Variants in NOL4 observed in about 807,000 individuals in gnomAD.
The protein encoded by NOL4 is cancer/testis antigen 125.
In NOL4, 17 loss-of-function variants were observed where a neutral mutation model predicts 75.9. The ratio of observed to expected loss-of-function variants is 0.22; its 90% CI spans 0.15 to 0.34. The LOEUF (loss-of-function observed/expected upper bound fraction) is 0.34, where lower values mean the gene tolerates loss of function less well. NOL4 is among the 10% of genes least tolerant of loss of function. The pLI is 1.00. For synonymous variants in NOL4, 292 were observed against 289.9 expected (o/e 1.01, Z -0.07); for missense variants, 614 against 793.5 (o/e 0.77, Z 2.72).
intron 5 of NOL4, among the ~76,000 whole-genome samples, chr18:34,026,968 G>A (rs2075374289): frequency 6.6e-6 from 1 of 152,148 alleles, no homozygotes; most frequent in Admixed American, 6.6e-5. Flanking sequence ...GAGGAGAGGA[G>A]CCTGAAAAAG....
intron 5 of NOL4, among the ~76,000 whole-genome samples, chr18:34,076,491 A>T (rs2077751213): frequency 6.6e-6 from 1 of 152,182 alleles, no homozygotes; most frequent in Non-Finnish European, 1.5e-5. Context: ...AGTTACCCTT[A>T]GACTTGAAAG....
At position 34,058,143 on chromosome 18, in the gene NOL4, C is replaced by CT. The variant is rs540962522; in HGVS notation, c.772+35321dup. On this transcript the variant is annotated intron_variant, in intron 5 of 10. Transcript: ENST00000261592. ...TCTGCTGGCCTGTTGTTCCTTATTT[C>CT]TTTTTTTTGAGACAAAATCTCACTC... Among the ~76,000 whole-genome samples the CT allele has an allele frequency of 6.6e-5, 10 of 151,856 alleles. No homozygotes were observed. In the East Asian group the frequency reaches 7.7e-4, roughly 12 times the overall value.
chr18:33,890,470 A>G lies in NOL4; in HGVS notation c.1543-7046T>C, dbSNP rs1052279198. On this transcript the variant is annotated intron_variant, in intron 9 of 10. Transcript: ENST00000261592. ...CTGCCCGAGGTAATTTATAGATTCAATGTTATCCCCATCAAGCTACCAATG... is the reference window on the plus strand; with the variant it reads ...CTGCCCGAGGTAATTTATAGATTCAGTGTTATCCCCATCAAGCTACCAATG... Among the ~76,000 whole-genome samples the G allele has an allele frequency of 3.9e-5, 6 of 152,258 alleles. No homozygotes were observed. In the East Asian group the frequency reaches 1.2e-3, roughly 29 times the overall value.
At position 34,105,139 on chromosome 18, in the gene NOL4, G is replaced by A. The variant is rs2079211078; in HGVS notation, c.436C>T (p.Leu146=). ...YKAISESYAF[L]PREAVTRFLM... is the part of the protein sequence containing the mutation. ...AATCGTGTCACCGCTTCTCTTGGTA[G>A]GAAGGCATAGCTCTCTGAAATCTGA... Residue 146 remains leucine, a synonymous_variant, in exon 3 of 11, where the codon CTA becomes TTA. Transcript: ENST00000261592. 6.2e-7 allele frequency: 1 copy of A among 1,610,646 alleles called. No homozygotes were observed. Among genetic ancestry groups the A allele is most frequent in the East Asian group, 2.2e-5 (1 of 44,812 alleles).
intron 9 of NOL4, among the ~76,000 whole-genome samples, chr18:33,911,063 C>T (rs183531864): frequency 6.6e-6 from 1 of 152,014 alleles, no homozygotes; most frequent in Middle Eastern, 3.2e-3. Context: ...AGGCTTTGCA[C>T]CCATGATTTT....
intron 8 of NOL4, among the ~76,000 whole-genome samples, chr18:33,949,965 C>T (rs1204044201): frequency 1.3e-5 from 2 of 151,550 alleles, no homozygotes; most frequent in East Asian, 1.9e-4. Flanking sequence ...ACTACATGAT[C>T]CTTTATGTTA....
rs548281672 is a variant in NOL4 at position 33,938,933 on chromosome 18, C to T, written c.1542+4132G>A. Reference sequence around the variant, plus strand: ...AGGTCTTACGTTTAAGTCTCTAGTCCATCTTGAGCTAATTTTTGTATAAGG... The same window carrying T: ...AGGTCTTACGTTTAAGTCTCTAGTCTATCTTGAGCTAATTTTTGTATAAGG... On this transcript the variant is annotated intron_variant, in intron 9 of 10. Coordinates refer to ENST00000261592, the MANE Select transcript of NOL4 (RefSeq NM_003787.5). 7.8e-4 allele frequency among the ~76,000 whole-genome samples: 118 copies of T among 152,134 alleles called. 2 individuals carry two copies. The highest frequency in any genetic ancestry group is 4.1e-3 in the South Asian group (20 of 4,820).
chr18:34,029,884 T>A (rs940990208), intron 5 of NOL4, among the ~76,000 whole-genome samples: 1 of 152,110 alleles, frequency 6.6e-6, no homozygotes, highest in Non-Finnish European at 1.5e-5. Flanking sequence ...CAACACAACA[T>A]AATAACCAAT....
At chr18:33,926,937 C>CTA (rs1379118900) in intron 9 of NOL4, among the ~76,000 whole-genome samples, 5 of 152,132 alleles carry the variant, frequency 3.3e-5, no homozygotes, top group African/African-American at 9.7e-5. Context: ...TCACATTGAA[C>CTA]TATAGTATTT....
chr18:34,189,505 G>T (rs1278356717), intron 1 of NOL4, among the ~76,000 whole-genome samples: 1 of 151,946 alleles, frequency 6.6e-6, no homozygotes, highest in Non-Finnish European at 1.5e-5. Flanking sequence ...AAATTCATTG[G>T]GTGTTTACTA....
rs963536331 is a variant in NOL4, at chr18:34,162,143, G to C, written c.265-32123C>G. On this transcript the variant is annotated intron_variant, in intron 1 of 10. Transcript: ENST00000261592. ...GAGACAGGTCTGTGTATAAATTAAA[G>C]ACTGTGTATAAACCTAACATCACAA... is the stretch of plus-strand genomic sequence containing the variant. Among the ~76,000 whole-genome samples, 3 of 152,148 alleles carry C rather than the reference G, an allele frequency of 2.0e-5. No individual in the cohort carries two copies. In the East Asian group the frequency reaches 5.8e-4, roughly 29 times the overall value.
At chr18:34,060,231 C>G (rs1376720113) in intron 5 of NOL4, among the ~76,000 whole-genome samples, 1 of 152,162 alleles carries the variant, frequency 6.6e-6, no homozygotes, top group African/African-American at 2.4e-5. Flanking sequence ...GTCCCTGGAA[C>G]AGCACTTTCT....
intron 6 of NOL4, among the ~76,000 whole-genome samples, chr18:33,972,550 A>G (rs2145889130): frequency 6.6e-6 from 1 of 152,296 alleles, no homozygotes; most frequent in South Asian, 2.1e-4. Flanking sequence ...AGAAAACAGT[A>G]TAGCACTTCC....
Position 34,129,856 on chromosome 18 carries a change from TC to T in NOL4, c.414+14del. 1.3e-6 allele frequency: 2 copies of T among 1,522,090 alleles called. No homozygotes were observed. Among genetic ancestry groups the T allele is most frequent in the South Asian group, 1.3e-5 (1 of 74,668 alleles). 94.3% of individuals were successfully genotyped at this position (1,522,090 alleles called of 1,614,324 possible). On this transcript the variant is annotated intron_variant, in intron 2 of 10. Coordinates refer to ENST00000261592, the MANE Select transcript of NOL4 (RefSeq NM_003787.5). The stretch of plus-strand genomic sequence containing the variant: ...CTCGAAATGCATGCTCTTTTTTTTT[TC>T]TTTTTTAACTTACTGCTTTGTAAGT...
At chr18:34,134,334 T>C (rs2145932899) in intron 1 of NOL4, among the ~76,000 whole-genome samples, 1 of 151,888 alleles carries the variant, frequency 6.6e-6, no homozygotes, top group East Asian at 1.9e-4. Context: ...CACTAAAATA[T>C]AATTTAAAAA....
At chr18:33,880,309 G>C (rs2064187606) in intron 10 of NOL4, among the ~76,000 whole-genome samples, 1 of 106,332 alleles carries the variant, frequency 9.4e-6, no homozygotes, top group Non-Finnish European at 2.2e-5. Context: ...AGGGGTCTGT[G>C]TGTGTGTGTG....
At chr18:33,995,966 T>G (rs1391789651) in intron 6 of NOL4, among the ~76,000 whole-genome samples, 2 of 151,822 alleles carry the variant, frequency 1.3e-5, no homozygotes, top group Non-Finnish European at 1.5e-5. Flanking sequence ...AAGTCTTCTT[T>G]TTGTTGTTGT....
intron 6 of NOL4, among the ~76,000 whole-genome samples, chr18:34,018,169 T>C (rs1046027200): frequency 1.3e-5 from 2 of 152,132 alleles, no homozygotes; most frequent in African/African-American, 4.8e-5. Flanking sequence ...CAGGGAAACT[T>C]AGGAGTTATT....
At chr18:34,180,707 A>G (rs1425589212) in intron 1 of NOL4, among the ~76,000 whole-genome samples, 1 of 151,478 alleles carries the variant, frequency 6.6e-6, no homozygotes, top group Non-Finnish European at 1.5e-5. Context: ...TATAGAGAAA[A>G]TCCTAAGGAA....
Sources: gnomAD v4.1 joint callset for allele counts (sites outside exome capture counted in the v4.1 genomes callset) on GRCh38, gnomAD v4.1.1 for gene constraint, MANE v1.5 for transcripts, NCBI Gene and HGNC (gene_info 2026-07-23, HGNC 2026-07-21) for gene names.